Variants in TNFSF10 observed in about 807,000 individuals in gnomAD.
The protein encoded by TNFSF10 is tumor necrosis factor ligand superfamily member 10.
A neutral mutation model predicts 29.5 loss-of-function variants in TNFSF10; 13 were observed. That is an observed-to-expected ratio of 0.44 (90% CI 0.29 to 0.70). The LOEUF (loss-of-function observed/expected upper bound fraction) is 0.70, where lower values mean the gene tolerates loss of function less well. Among genes scored for constraint, TNFSF10 ranks in the 30% least tolerant of loss-of-function variants. The pLI is 0.13. For synonymous variants in TNFSF10, 111 were observed against 112.8 expected (o/e 0.98, Z 0.10); for missense variants, 345 against 330.9 (o/e 1.04, Z -0.33).
chr3:172,515,992 G>A (rs986700120), intron 1 of TNFSF10, among the ~76,000 whole-genome samples: 4 of 152,220 alleles, frequency 2.6e-5, no homozygotes, highest in African/African-American at 9.6e-5. Flanking sequence ...GCCAGGCGCG[G>A]TGGCTCATGC....
chr3:172,522,908 A>G (rs1713762533), intron 1 of TNFSF10, among the ~76,000 whole-genome samples: 1 of 152,242 alleles, frequency 6.6e-6, no homozygotes, highest in Non-Finnish European at 1.5e-5. Context: ...AAAGGAAAAC[A>G]AAAGAACTAC....
chr3:172,506,653 T>C lies in TNFSF10; in HGVS notation c.685A>G (p.Ser229Gly). 1 of 1,614,194 alleles carries C rather than the reference T, an allele frequency of 6.2e-7. No individual in the cohort carries two copies. Among genetic ancestry groups the C allele is most frequent in the Non-Finnish European group, 8.5e-7 (1 of 1,180,022 alleles). The change falls in exon 5 of 5, where the codon AGT (serine) becomes GGT (glycine). Residue 229 changes from serine to glycine, a missense_variant. Physicochemically the swap from Ser to Gly is moderately conservative, Grantham distance 56 (BLOSUM62 0). Transcript: ENST00000241261. Reference sequence around the variant, plus strand: ...TATTCTGCATCTTTAGACCAACAACTATTTCTAGCACTTTTCATCAACAAT... The same window carrying C: ...TATTCTGCATCTTTAGACCAACAACCATTTCTAGCACTTTTCATCAACAAT... ...PILLMKSARN[S>G]CWSKDAEYGL...
chr3:172,507,023 C>A, intron 4 of TNFSF10, 104 bp from the exon 5 acceptor site: 1 of 985,010 alleles, frequency 1.0e-6, no homozygotes, highest in South Asian at 1.8e-5. Context: ...TTGGGCTTGC[C>A]AGGGATTTCA....
chr3:172,509,994 A>C (rs1447978616), intron 3 of TNFSF10, among the ~76,000 whole-genome samples: 1 of 151,136 alleles, frequency 6.6e-6, no homozygotes, highest in Non-Finnish European at 1.5e-5. Context: ...AAAAAAAAAA[A>C]AAGAAATGTA....
chr3:172,515,038 T>C, intron 1 of TNFSF10, 40 bp from the exon 2 acceptor site: 6 of 1,611,356 alleles, frequency 3.7e-6, no homozygotes, highest in South Asian at 1.1e-5. Context: ...TTTGCATAAG[T>C]GCTTTTTATT....
intron 2 of TNFSF10, among the ~76,000 whole-genome samples, chr3:172,513,834 A>AT (rs5854474): frequency 0.32 from 46,995 of 146,472 alleles, 7,690 homozygotes; most frequent in East Asian, 0.54. Flanking sequence ...GGCAGAAGCA[A>AT]TTTTTTTTTT....
intron 4 of TNFSF10, 197 bp downstream of exon 4, chr3:172,509,020 C>A: frequency 2.6e-6 from 1 of 380,922 alleles, no homozygotes; most frequent in Non-Finnish European, 4.6e-6. Context: ...TTCCTGAGGC[C>A]AGTTATGTCG....
intron 4 of TNFSF10, 133 bp downstream of exon 4, chr3:172,509,084 G>C: frequency 1.7e-6 from 1 of 599,336 alleles, no homozygotes; most frequent in Non-Finnish European, 2.7e-6. Context: ...CAGTCAATCT[G>C]AGATCTGATT....
chr3:172,514,018 T>A (rs889113044), intron 2 of TNFSF10, among the ~76,000 whole-genome samples: 1 of 152,106 alleles, frequency 6.6e-6, no homozygotes, highest in Non-Finnish European at 1.5e-5. Context: ...TTTGTATTTT[T>A]AGTAGACACA....
At chr3:172,515,111 T>C (rs2108447802) in intron 1 of TNFSF10, 113 bp from the exon 2 acceptor site, 2 of 1,401,986 alleles carry the variant, frequency 1.4e-6, no homozygotes, top group East Asian at 2.3e-5. Flanking sequence ...TTTTGGCATA[T>C]TGAGTAAGTT....
intron 1 of TNFSF10, among the ~76,000 whole-genome samples, chr3:172,522,741 A>G (rs767464715): frequency 6.6e-6 from 1 of 152,166 alleles, no homozygotes; most frequent in Non-Finnish European, 1.5e-5. Flanking sequence ...GCACTACCTT[A>G]GGTTGTTTTA....
intron 1 of TNFSF10, among the ~76,000 whole-genome samples, chr3:172,521,162 C>A (rs1713673403): frequency 6.6e-6 from 1 of 152,132 alleles, no homozygotes; most frequent in Admixed American, 6.5e-5. Context: ...GACTAAAACA[C>A]CAAAAGCAAT....
chr3:172,522,498 T>C, intron 1 of TNFSF10: 1 of 995,722 alleles, frequency 1.0e-6, no homozygotes, highest in South Asian at 1.3e-5. Context: ...TTTTAAAACC[T>C]GCTGCACATT....
chr3:172,512,477 G>A (rs1472825792), intron 2 of TNFSF10, among the ~76,000 whole-genome samples: 1 of 152,154 alleles, frequency 6.6e-6, no homozygotes, highest in Non-Finnish European at 1.5e-5. Context: ...TGTTGCAACT[G>A]TCAGAAACTT....
chr3:172,510,082 T>C (rs1040063089), intron 3 of TNFSF10, among the ~76,000 whole-genome samples: 6 of 152,274 alleles, frequency 3.9e-5, no homozygotes, highest in Admixed American at 2.6e-4. Context: ...TTATATTCTT[T>C]CATCAAACAG....
chr3:172,516,911 G>A (rs1311430037), intron 1 of TNFSF10, among the ~76,000 whole-genome samples: 7 of 152,228 alleles, frequency 4.6e-5, no homozygotes, highest in Admixed American at 2.0e-4. Context: ...AGGCCCGAGG[G>A]TGGTTCCAGG....
chr3:172,515,660 G>T (rs1449399213), intron 1 of TNFSF10, among the ~76,000 whole-genome samples: 1 of 151,968 alleles, frequency 6.6e-6, no homozygotes. Flanking sequence ...CTCTTTGAAG[G>T]TTTTCTCCCT....
rs925093032 is a variant in TNFSF10 at position 172,506,881 on chromosome 3, A to G, written c.457T>C (p.Ser153Pro). 6.2e-7 allele frequency: 1 copy of G among 1,613,506 alleles called. No homozygotes were observed. The highest frequency in any genetic ancestry group is 1.7e-5 in the Admixed American group (1 of 59,890). Residue 153 changes from serine (S) to proline (P), a missense_variant, in exon 5 of 5, where the codon TCC becomes CCC. Coordinates refer to ENST00000241261, the MANE Select transcript of TNFSF10 (RefSeq NM_003810.4). ...TGCCCACTCCTTGATGATTCCCAGG[A>G]GTTTATTTTGCGGCCCAGAGCCTTT... Reference protein sequence around the residue: ...NEKALGRKINSWESSRSGHSF... With the variant: ...NEKALGRKINPWESSRSGHSF...
At chr3:172,509,153 TA>T in intron 4 of TNFSF10, 63 bp downstream of exon 4, 1 of 1,381,250 alleles carries the variant, frequency 7.2e-7, no homozygotes, top group Non-Finnish European at 1.0e-6. Flanking sequence ...CTTTAAAAAA[TA>T]AGTTACTTGG....
Sources: allele counts gnomAD v4.1 joint callset (sites outside exome capture counted in the v4.1 genomes callset), GRCh38; gene constraint gnomAD v4.1.1; transcripts MANE v1.5; gene names NCBI Gene and HGNC (gene_info 2026-07-23, HGNC 2026-07-21).